Variants in ALPL observed in about 807,000 individuals in gnomAD.
The protein encoded by ALPL is alkaline phosphatase, biomineralization associated, also known as alkaline phosphatase, tissue-nonspecific isozyme.
In ALPL, 42 loss-of-function variants were observed where a neutral mutation model predicts 51.3. The ratio of observed to expected loss-of-function variants is 0.82; its 90% confidence interval spans 0.64 to 1.06. The LOEUF is 1.06. Ranked by LOEUF, ALPL falls within the 50% of genes least tolerant of loss-of-function variation. ALPL has a pLI of 0.00. For synonymous variants in ALPL, 279 were observed against 296.4 expected, an observed-to-expected ratio of 0.94 and a Z score of 0.60; for missense variants, 589 against 709.4, an observed-to-expected ratio of 0.83 and a Z score of 1.93.
chr1:21,547,578 A>G (rs1441772230), intron 1 of ALPL, among the ~76,000 whole-genome samples: 1 of 152,092 alleles, frequency 6.6e-6, no homozygotes, highest in Admixed American at 6.5e-5. Flanking sequence ...TCCCTGCCCT[A>G]AGCTCGTTCA....
At chr1:21,524,194 G>T (rs1643913029) in intron 1 of ALPL, among the ~76,000 whole-genome samples, 1 of 151,924 alleles carries the variant, frequency 6.6e-6, no homozygotes, top group Non-Finnish European at 1.5e-5. Flanking sequence ...AGTAGAGACG[G>T]GGTTTCACCA....
chr1:21,552,894 C>G (rs1386140992), intron 1 of ALPL, among the ~76,000 whole-genome samples: 1 of 152,152 alleles, frequency 6.6e-6, no homozygotes, highest in Non-Finnish European at 1.5e-5. Flanking sequence ...AATAACATTT[C>G]CCAGTGAAAC....
intron 1 of ALPL, among the ~76,000 whole-genome samples, chr1:21,541,350 G>T (rs1222010412): frequency 6.6e-6 from 1 of 152,238 alleles, no homozygotes; most frequent in African/African-American, 2.4e-5. Flanking sequence ...GGTGTGGAGG[G>T]GTGAGGTCAC....
At chr1:21,522,239 T>G (rs1465856788) in intron 1 of ALPL, among the ~76,000 whole-genome samples, 1 of 152,032 alleles carries the variant, frequency 6.6e-6, no homozygotes, top group Non-Finnish European at 1.5e-5. Flanking sequence ...GCCCAGCTAA[T>G]TTTTGTTGTA....
At chr1:21,553,674 A>G (rs558711093) in intron 1 of ALPL, among the ~76,000 whole-genome samples, 1 of 152,330 alleles carries the variant, frequency 6.6e-6, no homozygotes, top group East Asian at 1.9e-4. Context: ...ACACTGCACC[A>G]AAAGATTGGA....
intron 3 of ALPL, 108 bp from the exon 4 acceptor site, chr1:21,560,989 A>G: frequency 1.8e-6 from 2 of 1,126,882 alleles, no homozygotes; most frequent in Non-Finnish European, 2.6e-6. Context: ...CCCAGTGCCA[A>G]CTGCCCGAGC....
At position 21,577,561 on chromosome 1, in the gene ALPL, CT is replaced by C. The variant is rs1644757254; in HGVS notation, c.1489del (p.Cys497ValfsTer24). 1 of 1,604,410 alleles carries C rather than the reference CT, an allele frequency of 6.2e-7. No homozygotes were observed. The highest frequency in any genetic ancestry group is 1.3e-5 in the African/African-American group (1 of 74,930). On this transcript the variant is annotated frameshift_variant, in exon 12 of 12. Coordinates refer to ENST00000374840, the MANE Select transcript of ALPL (RefSeq NM_000478.6). LOFTEE classifies it low-confidence loss of function (END_TRUNC). ...AACIGANLGH[C>X]APASSAGSLA... ...CCTGCATCGGGGCCAACCTCGGCCA[CT>C]GTGCTCCTGCCAGCTCGGCAGGCAG... is the stretch of plus-strand genomic sequence containing the variant.
chr1:21,510,450 G>T (rs1643663418), intron 1 of ALPL, among the ~76,000 whole-genome samples: 1 of 152,222 alleles, frequency 6.6e-6, no homozygotes, highest in South Asian at 2.1e-4. Context: ...CCGCTCAGGT[G>T]GGCCCAGCTG....
chr1:21,537,719 CT>C (rs1410420898), intron 1 of ALPL, among the ~76,000 whole-genome samples: 1 of 152,202 alleles, frequency 6.6e-6, no homozygotes, highest in Admixed American at 6.5e-5. Context: ...GGCACGTACA[CT>C]GGACATGGAG....
chr1:21,532,747 T>A (rs979948860), intron 1 of ALPL, among the ~76,000 whole-genome samples: 7 of 152,128 alleles, frequency 4.6e-5, no homozygotes, highest in African/African-American at 1.7e-4. Context: ...CAGCTTAGAC[T>A]TCCTTCCCTC....
chr1:21,567,250 C>T (rs951235467), intron 6 of ALPL, among the ~76,000 whole-genome samples: 9 of 152,332 alleles, frequency 5.9e-5, no homozygotes, highest in African/African-American at 1.2e-4. Context: ...CTGGCACCCG[C>T]GGTGACAAGA....
intron 1 of ALPL, among the ~76,000 whole-genome samples, chr1:21,525,974 G>A (rs1643936268): frequency 6.6e-6 from 1 of 151,984 alleles, no homozygotes; most frequent in Admixed American, 6.6e-5. Flanking sequence ...GGCAACAAGA[G>A]CAAAACTCTG....
chr1:21,544,440 G>A (rs1644227773), intron 1 of ALPL, among the ~76,000 whole-genome samples: 1 of 152,228 alleles, frequency 6.6e-6, no homozygotes, highest in Non-Finnish European at 1.5e-5. Flanking sequence ...CAAAAAGGGG[G>A]AATTTTAAAA....
intron 6 of ALPL, among the ~76,000 whole-genome samples, chr1:21,566,844 G>T (rs764650794): frequency 6.6e-6 from 1 of 152,120 alleles, no homozygotes; most frequent in East Asian, 1.9e-4. Flanking sequence ...TGATCCTCCC[G>T]CCTCAGCCTC....
At chr1:21,573,550 T>C (rs1644681291) in intron 8 of ALPL, 115 bp from the exon 9 acceptor site, 2 of 1,345,666 alleles carry the variant, frequency 1.5e-6, no homozygotes, top group Non-Finnish European at 1.0e-6. Flanking sequence ...CACCATACTC[T>C]ACCCCAAGCT....
chr1:21,576,287 GTGGATGGATGGATGGA>G (rs1361258901), intron 10 of ALPL, among the ~76,000 whole-genome samples: 2 of 55,412 alleles, frequency 3.6e-5, no homozygotes, highest in African/African-American at 1.2e-4. Flanking sequence ...GGATGGATGG[GTGGATGGATGGATGGA>G]TGGGTGGATG....
chr1:21,560,624 A>C lies in ALPL; in HGVS notation c.62-2A>C. On this transcript the variant is annotated splice_acceptor_variant, in intron 2 of 11. Coordinates refer to ENST00000374840, the MANE Select transcript of ALPL (RefSeq NM_000478.6). LOFTEE classifies it high-confidence loss of function. ...CAAGTAACTGCCTCTCTCTGTGTTT[A>C]GAGAAAGAGAAAGACCCCAAGTACT... 1.2e-6 allele frequency: 2 copies of C among 1,614,102 alleles called. No homozygotes were observed. Among genetic ancestry groups the C allele is most frequent in the Non-Finnish European group, 1.7e-6 (2 of 1,179,990 alleles).
chr1:21,576,666 G>T (rs906383568), intron 11 of ALPL, 25 bp downstream of exon 11: 6 of 1,613,026 alleles, frequency 3.7e-6, no homozygotes, highest in Non-Finnish European at 5.1e-6. Flanking sequence ...ACCCAGGGCT[G>T]GGAGGGGACA....
At chr1:21,571,853 G>A (rs151047743) in intron 8 of ALPL, among the ~76,000 whole-genome samples, 158 of 152,180 alleles carry the variant, frequency 1.0e-3, no homozygotes, top group Middle Eastern at 3.4e-3. Flanking sequence ...CTGGCCAGGT[G>A]TGGTGGCGCA....
Sources: allele counts gnomAD v4.1 joint callset (sites outside exome capture counted in the v4.1 genomes callset), GRCh38; gene constraint gnomAD v4.1.1; transcripts MANE v1.5; gene names NCBI Gene and HGNC (gene_info 2026-07-23, HGNC 2026-07-21).